The following RGS6 variants were observed in gnomAD, a reference collection of about 807,000 sequenced individuals.
RGS6 encodes the protein regulator of G-protein signaling 6.
A neutral mutation model predicts 78.5 loss-of-function variants in RGS6; 30 were observed. The ratio of observed to expected loss-of-function variants is 0.38; its 90% CI spans 0.29 to 0.52. RGS6 has a LOEUF of 0.52. RGS6 is among the 20% of genes least tolerant of loss of function. The probability of loss-of-function intolerance (pLI) is 0.85; values close to 1 mark genes in which losing one functional copy is unlikely to be tolerated. For synonymous variants in RGS6, 206 were observed against 206.0 expected (o/e 1.00, Z 0.00); for missense variants, 495 against 609.7 (o/e 0.81, Z 1.98).
chr14:72,301,516 T>C (rs2066055142), intron 2 of RGS6, among the ~76,000 whole-genome samples: 1 of 152,144 alleles, frequency 6.6e-6, no homozygotes, highest in Non-Finnish European at 1.5e-5. Flanking sequence ...TCTCACCACA[T>C]AGGAAACTAT....
intron 2 of RGS6, among the ~76,000 whole-genome samples, chr14:72,137,922 T>A (rs1203195759): frequency 6.6e-6 from 1 of 152,136 alleles, no homozygotes. Context: ...AAGGTGGGAC[T>A]GAGAGTCCCA....
intron 2 of RGS6, among the ~76,000 whole-genome samples, chr14:72,200,868 C>T (rs932683261): frequency 3.4e-5 from 5 of 149,214 alleles, no homozygotes; most frequent in South Asian, 2.1e-4. Context: ...TCTACTTACA[C>T]GTGCCTAGGG....
chr14:71,983,605 G>T (rs1239192846), intron 2 of RGS6, among the ~76,000 whole-genome samples: 1 of 152,078 alleles, frequency 6.6e-6, no homozygotes, highest in East Asian at 1.9e-4. Flanking sequence ...GGTGTTCCTT[G>T]GCTTGCAGCA....
At chr14:72,431,934 G>C (rs778833272) in intron 3 of RGS6, among the ~76,000 whole-genome samples, 1 of 152,078 alleles carries the variant, frequency 6.6e-6, no homozygotes, top group Non-Finnish European at 1.5e-5. Context: ...TTTGAATCTG[G>C]GGGTGAAGAG....
intron 2 of RGS6, among the ~76,000 whole-genome samples, chr14:72,224,842 G>C: frequency 6.6e-6 from 1 of 152,170 alleles, no homozygotes; most frequent in South Asian, 2.1e-4. Flanking sequence ...ACAAAGTCAA[G>C]TAGCTCCACC....
At chr14:72,474,807 T>A in intron 10 of RGS6, 108 bp downstream of exon 10, 1 of 896,444 alleles carries the variant, frequency 1.1e-6, no homozygotes, top group Middle Eastern at 3.1e-4. Context: ...CTTTTGTCAT[T>A]TGAAACCATA....
chr14:72,241,917 T>C (rs181035224), intron 2 of RGS6, among the ~76,000 whole-genome samples: 2 of 152,324 alleles, frequency 1.3e-5, no homozygotes, highest in African/African-American at 4.8e-5. Context: ...GCTAATACAA[T>C]TATAATAATA....
intron 2 of RGS6, among the ~76,000 whole-genome samples, chr14:72,272,851 A>G (rs1473672159): frequency 6.6e-6 from 1 of 152,260 alleles, no homozygotes; most frequent in Admixed American, 6.5e-5. Flanking sequence ...GCAATGGCTC[A>G]CGCCTGTAAT....
intron 2 of RGS6, among the ~76,000 whole-genome samples, chr14:72,098,106 A>T (rs897254892): frequency 5.3e-5 from 8 of 152,112 alleles, no homozygotes; most frequent in Non-Finnish European, 8.8e-5. Flanking sequence ...TAATATCCTG[A>T]CATAGCTGTG....
chr14:72,216,735 G>A (rs371829697), intron 2 of RGS6, among the ~76,000 whole-genome samples: 2 of 152,208 alleles, frequency 1.3e-5, no homozygotes, highest in South Asian at 4.2e-4. Flanking sequence ...AGCCTTGAAC[G>A]GCGCTGAGGT....
chr14:72,339,979 C>T (rs564320380), intron 2 of RGS6, among the ~76,000 whole-genome samples: 25 of 152,058 alleles, frequency 1.6e-4, no homozygotes, highest in Non-Finnish European at 3.1e-4. Context: ...GACTGTTCTT[C>T]TTTTTTAGAC....
chr14:72,504,492 A>T (rs1202775028), intron 13 of RGS6, among the ~76,000 whole-genome samples: 1 of 152,232 alleles, frequency 6.6e-6, no homozygotes, highest in East Asian at 1.9e-4. Context: ...TATAACAAGG[A>T]TCAACTTTTC....
downstream of RGS6, among the ~76,000 whole-genome samples, chr14:72,567,299 G>A (rs1567151322): frequency 6.6e-6 from 1 of 152,100 alleles, no homozygotes; most frequent in Non-Finnish European, 1.5e-5. Context: ...TCCATAACAT[G>A]TCCCACCTCA....
chr14:72,347,513 GGTT>G (rs1362112307), intron 2 of RGS6, among the ~76,000 whole-genome samples: 1 of 152,206 alleles, frequency 6.6e-6, no homozygotes, highest in African/African-American at 2.4e-5. Flanking sequence ...TGTCTGAAAA[GGTT>G]GTTGGCAGGC....
At chr14:72,063,492 A>G (rs1390180928) in intron 2 of RGS6, among the ~76,000 whole-genome samples, 1 of 152,186 alleles carries the variant, frequency 6.6e-6, no homozygotes, top group Non-Finnish European at 1.5e-5. Flanking sequence ...ATAAGAGATG[A>G]GGAAATAAAG....
the RGS6 span, among the ~76,000 whole-genome samples, chr14:71,883,136 T>C: frequency 3.3e-5 from 5 of 152,250 alleles, no homozygotes; most frequent in Admixed American, 1.3e-4. Flanking sequence ...ATGTGATAAC[T>C]CAGAAAATAT....
chr14:72,123,622 C>A (rs961889495), intron 2 of RGS6, among the ~76,000 whole-genome samples: 1 of 152,100 alleles, frequency 6.6e-6, no homozygotes, highest in Non-Finnish European at 1.5e-5. Context: ...TAGGAGTCAC[C>A]TTAGTTTTCT....
chr14:72,517,168 A>T (rs1379495214), intron 14 of RGS6, among the ~76,000 whole-genome samples: 1 of 151,158 alleles, frequency 6.6e-6, no homozygotes, highest in African/African-American at 2.4e-5. Flanking sequence ...AGTACATCTT[A>T]CTTTGGATGA....
intron 2 of RGS6, among the ~76,000 whole-genome samples, chr14:72,115,863 G>A (rs574101276): frequency 9.2e-4 from 140 of 152,264 alleles, no homozygotes; most frequent in African/African-American, 3.0e-3. Flanking sequence ...CATTTGTCAT[G>A]TGTGGCCCAC....
Sources: allele counts gnomAD v4.1 joint callset (sites outside exome capture counted in the v4.1 genomes callset), GRCh38; gene constraint gnomAD v4.1.1; transcripts MANE v1.5; gene names NCBI Gene and HGNC (gene_info 2026-07-23, HGNC 2026-07-21).